Variants in KLF17 observed in about 807,000 individuals in gnomAD.
KLF17 encodes the protein Krueppel-like factor 17.
A neutral mutation model predicts 34.2 loss-of-function variants in KLF17; 31 were observed. The ratio of observed to expected loss-of-function variants is 0.91; its 90% CI spans 0.68 to 1.22. The LOEUF (loss-of-function observed/expected upper bound fraction) is 1.22, where lower values mean the gene tolerates loss of function less well. Among genes scored for constraint, KLF17 ranks in the 50% most tolerant of loss-of-function variants. KLF17 has a pLI of 0.00. For synonymous variants in KLF17, 179 were observed against 186.7 expected (o/e 0.96, Z 0.34); for missense variants, 478 against 505.2 (o/e 0.95, Z 0.52).
intron 1 of KLF17, among the ~76,000 whole-genome samples, chr1:44,127,624 CTTT>C: frequency 1.6e-5 from 1 of 63,882 alleles, no homozygotes; most frequent in African/African-American, 5.8e-5. Context: ...CTTTTCTTTT[CTTT>C]TCTTTTCTTT....
At chr1:44,085,872 T>C in the KLF17 span, among the ~76,000 whole-genome samples, 1 of 150,648 alleles carries the variant, frequency 6.6e-6, no homozygotes, top group Non-Finnish European at 1.5e-5. Flanking sequence ...TTCCTGTTAT[T>C]ACTGGAGGTC....
the KLF17 span, chr1:44,048,136 T>C: frequency 6.6e-6 from 1 of 151,514 alleles, no homozygotes; most frequent in Admixed American, 6.6e-5. Flanking sequence ...AATGTGGGAG[T>C]AGCTAATGGC....
the KLF17 span, chr1:44,045,980 A>G: frequency 6.6e-6 from 1 of 151,926 alleles, no homozygotes; most frequent in Non-Finnish European, 1.5e-5. Context: ...CCCTCCTAAC[A>G]CAATCATTGT....
the KLF17 span, among the ~76,000 whole-genome samples, chr1:44,073,209 C>CTTTTTTT: frequency 3.3e-4 from 45 of 137,788 alleles, no homozygotes; most frequent in East Asian, 1.5e-3. Context: ...TCTTCTTCTT[C>CTTTTTTT]TTTTTTTTTT....
chr1:44,109,786 G>A, the KLF17 span, among the ~76,000 whole-genome samples: 3 of 151,980 alleles, frequency 2.0e-5, no homozygotes, highest in Non-Finnish European at 4.4e-5. Context: ...AGAACTGGGA[G>A]GTAGGGCATG....
chr1:44,083,599 A>G, the KLF17 span, among the ~76,000 whole-genome samples: 1 of 152,074 alleles, frequency 6.6e-6, no homozygotes, highest in Non-Finnish European at 1.5e-5. Flanking sequence ...GTTCCAGACC[A>G]GCCTGGCTAA....
the KLF17 span, among the ~76,000 whole-genome samples, chr1:44,102,610 A>AG: frequency 4.1e-5 from 5 of 122,182 alleles, no homozygotes; most frequent in Non-Finnish European, 9.3e-5. Context: ...ACACACACAC[A>AG]CACAGAAAAG....
the KLF17 span, among the ~76,000 whole-genome samples, chr1:44,093,984 A>G: frequency 2.1e-4 from 32 of 152,366 alleles, no homozygotes; most frequent in African/African-American, 7.5e-4. Context: ...AACCTTGGAC[A>G]ACCTGAGTCT....
chr1:44,057,530 A>G, the KLF17 span, among the ~76,000 whole-genome samples: 1 of 152,204 alleles, frequency 6.6e-6, no homozygotes, highest in East Asian at 1.9e-4. Flanking sequence ...AGGAAACACC[A>G]GTATTCCCAT....
the KLF17 span, among the ~76,000 whole-genome samples, chr1:44,093,144 T>A: frequency 6.6e-6 from 1 of 152,148 alleles, no homozygotes; most frequent in Non-Finnish European, 1.5e-5. Flanking sequence ...ACCAAGAGGA[T>A]GAAAATGAAA....
At chr1:44,106,946 A>G in the KLF17 span, 1 of 152,138 alleles carries the variant, frequency 6.6e-6, no homozygotes, top group Non-Finnish European at 1.5e-5. Context: ...TCCTTTTTTT[A>G]TTCAAATAGA....
At chr1:44,049,640 G>T in the KLF17 span, among the ~76,000 whole-genome samples, 1 of 152,098 alleles carries the variant, frequency 6.6e-6, no homozygotes, top group African/African-American at 2.4e-5. Flanking sequence ...GTGCCACCAT[G>T]CCTGGCTAAT....
At chr1:44,069,469 CGAGA>C in the KLF17 span, among the ~76,000 whole-genome samples, 33,992 of 126,840 alleles carry the variant, frequency 0.27, 4,531 homozygotes, top group Middle Eastern at 0.4. This position sits in a 1 kb window ranked among gnomAD's most constrained non-coding sequence, Gnocchi z 4.7. Flanking sequence ...TGTTACATGG[CGAGA>C]GAGAGAGAGA....
chr1:44,120,123 G>A (rs2087929309), intron 1 of KLF17, among the ~76,000 whole-genome samples: 1 of 152,204 alleles, frequency 6.6e-6, no homozygotes, highest in African/African-American at 2.4e-5. Context: ...GACATTTTCT[G>A]AGAGAGAGTG....
At position 44,127,959 on chromosome 1, in the gene KLF17, T is replaced by G. The variant is rs1486080128; in HGVS notation, c.82-1394T>G. Among the ~76,000 whole-genome samples, 3 of 152,014 alleles carry G rather than the reference T, an allele frequency of 2.0e-5. No homozygotes were observed. In the East Asian group the frequency reaches 5.8e-4, roughly 29 times the overall value. On this transcript the variant is annotated intron_variant, in intron 1 of 3. Transcript: ENST00000372299. ...TTTTAAACTTCTCTTTTGGTTGTCA[T>G]ATTTGAATGGATTGTTCTTTTCTGG...
chr1:44,130,446 C>G (rs2088094034), intron 2 of KLF17, 66 bp from the exon 3 acceptor site: 1 of 1,596,982 alleles, frequency 6.3e-7, no homozygotes, highest in Admixed American at 1.7e-5. Flanking sequence ...ACTGCTCTGC[C>G]TCACAGAGTT....
At chr1:44,111,660 G>A in the KLF17 span, among the ~76,000 whole-genome samples, 2 of 152,054 alleles carry the variant, frequency 1.3e-5, no homozygotes, top group African/African-American at 4.8e-5. Flanking sequence ...TTGGGAGGCC[G>A]AGGTGGGCGG....
At chr1:44,083,879 T>A in the KLF17 span, among the ~76,000 whole-genome samples, 1 of 149,452 alleles carries the variant, frequency 6.7e-6, no homozygotes. Flanking sequence ...TGGTCCAGGG[T>A]GCATGGGTGG....
chr1:44,105,496 G>A, the KLF17 span: 2 of 152,194 alleles, frequency 1.3e-5, no homozygotes, highest in Non-Finnish European at 2.9e-5. Context: ...GACAGAAACA[G>A]CAGTGTGGCC....
Sources: gnomAD v4.1 joint callset for allele counts (sites outside exome capture counted in the v4.1 genomes callset) on GRCh38, gnomAD v4.1.1 for gene constraint, Gnocchi (gnomAD v3.1) non-coding constraint, MANE v1.5 for transcripts, NCBI Gene and HGNC (gene_info 2026-07-23, HGNC 2026-07-21) for gene names.